PRRC2A: variants seen among roughly 807,000 people sequenced by gnomAD.
The protein encoded by PRRC2A is protein PRRC2A.
In PRRC2A, 59 loss-of-function variants were observed where a neutral mutation model predicts 224.6. That is an observed-to-expected ratio of 0.26 (90% CI 0.21 to 0.33). PRRC2A has a LOEUF of 0.33. Ranked by LOEUF, PRRC2A falls within the 10% of genes least tolerant of loss-of-function variation. The pLI is 1.00. For missense variants in PRRC2A, 3,095 were observed against 2,880.7 expected (o/e 1.07, Z -1.70); for synonymous variants, 1,194 against 1,109.5 (o/e 1.08, Z -1.51).
chr6:31,629,882 C>T (rs1403658015), intron 14 of PRRC2A, 37 bp downstream of exon 14: 6 of 1,608,974 alleles, frequency 3.7e-6, no homozygotes, highest in Admixed American at 1.7e-5. Context: ...ACAGGAAAGT[C>T]CCCTCAGTCT....
rs750642633 is a variant in PRRC2A at position 31,632,738 on chromosome 6, GGGAGGT to G, written c.4076_4081del (p.Gly1359_Gly1360del). 14 of 1,613,000 alleles carry G rather than the reference GGGAGGT, an allele frequency of 8.7e-6. No homozygotes were observed. In the Admixed American group the frequency reaches 2.3e-4, roughly 27 times the overall value. On this transcript the variant is annotated inframe_deletion, in exon 16 of 31. Coordinates refer to ENST00000376033, the MANE Select transcript of PRRC2A (RefSeq NM_004638.4). ...CACCCAAGGCTGTGGGAACTCCTGGGGGAGGTGGAGGTGGAGCCGTACCAGGTATTT... is the reference window on the plus strand; with the variant it reads ...CACCCAAGGCTGTGGGAACTCCTGGGGGAGGTGGAGCCGTACCAGGTATTT...
rs1226208579 is a variant in PRRC2A, at chr6:31,635,467, T to C, written c.5373+2T>C. ...GAGCTAACAGCATCAGTCACTGAGG[T>C]AAGTGGGAGTAAGAGTTTGGTGGAA... is the stretch of plus-strand genomic sequence containing the variant. On this transcript the variant is annotated splice_donor_variant, in intron 23 of 30. Transcript: ENST00000376033. LOFTEE classifies it high-confidence loss of function. 1.2e-5 allele frequency: 20 copies of C among 1,613,870 alleles called. No homozygotes were observed. Among genetic ancestry groups the C allele is most frequent in the Non-Finnish European group, 1.6e-5 (19 of 1,179,888 alleles).
chr6:31,627,157 CGGGGCCCCGCCGGGAACT>C lies in PRRC2A; in HGVS notation c.1258_1275del (p.Ala420_Pro425del). On this transcript the variant is annotated inframe_deletion, in exon 11 of 31. Transcript: ENST00000376033. The surrounding 1 kb of genome is among the most constrained non-coding windows in gnomAD (Gnocchi z 5.6). ...AAAGCCTCCCCTACCCCCACCTCAC[CGGGGCCCCGCCGGGAACT>C]GGGGCCCCCCTGGGGACTACCCAGT... 3 of 1,613,266 alleles carry C rather than the reference CGGGGCCCCGCCGGGAACT, an allele frequency of 1.9e-6. No homozygotes were observed. Among genetic ancestry groups the C allele is most frequent in the Non-Finnish European group, 1.7e-6 (2 of 1,179,782 alleles).
In PRRC2A at chr6:31,624,456, C is replaced by G. The variant is rs1268021388; in HGVS notation, c.397C>G (p.Pro133Ala). The change falls in exon 5 of 31, where the codon CCT becomes GCT. Residue 133 changes from proline (P) to alanine (A), a missense_variant. Transcript: ENST00000376033. ...TTTCTGAACACTTCCCCAGAACACT[C>G]CTTTGGTTCCAAGCGGGGTAAAGTC... The part of the protein sequence containing the change: ...KRPPAAPENT[P>A]LVPSGVKSWA... 6.2e-7 allele frequency: 1 copy of G among 1,613,476 alleles called. No homozygotes were observed. Among genetic ancestry groups the G allele is most frequent in the East Asian group, 2.2e-5 (1 of 44,900 alleles).
chr6:31,624,164 G>T, intron 3 of PRRC2A, 97 bp from the exon 4 acceptor site: 1 of 1,255,214 alleles, frequency 8.0e-7, no homozygotes, highest in Non-Finnish European at 1.1e-6. Context: ...TTTGTAAATG[G>T]TAGCAATGGG....
chr6:31,625,282 C>T lies in PRRC2A; in HGVS notation c.575C>T (p.Ser192Leu), dbSNP rs149286621. The change falls in exon 6 of 31, where the codon TCG becomes TTG. Residue 192 changes from serine (S) to leucine (L), a missense_variant. Ser to Leu is a moderately radical substitution (Grantham distance 145). Transcript: ENST00000376033. The surrounding 1 kb of genome is among the most constrained non-coding windows in gnomAD (Gnocchi z 4.1). Reference sequence around the variant, plus strand: ...AAGGAAAGGGAGTCTGCCGAACAGTCGTCTGGGCCCGGACCAAGCCTCCGC... The same window carrying T: ...AAGGAAAGGGAGTCTGCCGAACAGTTGTCTGGGCCCGGACCAAGCCTCCGC... ...AAKERESAEQ[S>L]SGPGPSLRPQ... is the part of the protein sequence containing the mutation. The T allele has an allele frequency of 1.3e-5, 21 of 1,613,324 alleles. No individual in the cohort carries two copies. Among genetic ancestry groups the T allele is most frequent in the Middle Eastern group, 1.6e-4 (1 of 6,084 alleles).
Position 31,632,483 on chromosome 6 carries a change from G to T in PRRC2A, c.3810G>T (p.Gly1270=), listed in dbSNP as rs755229063. The T allele has an allele frequency of 1.9e-6, 3 of 1,607,374 alleles. No individual in the cohort carries two copies. The highest frequency in any genetic ancestry group is 2.6e-6 in the Non-Finnish European group (3 of 1,176,136). ...LKQERENAAR[G]SEGKPSLTLP... The stretch of plus-strand genomic sequence containing the variant: ...AGGAACGGGAGAATGCCGCAAGGGG[G>T]TCTGAGGGCAAGCCCTCCCTAACCC... Residue 1270 remains glycine (G), a synonymous_variant, in exon 16 of 31, where the codon GGG becomes GGT. Transcript: ENST00000376033.
At position 31,637,243 on chromosome 6, in the gene PRRC2A, T is replaced by C. The variant is rs769190800; in HGVS notation, c.6252T>C (p.Ser2084=). The change falls in exon 30 of 31, where the codon TCT becomes TCC. Residue 2084 remains serine (S), a synonymous_variant. Coordinates refer to ENST00000376033, the MANE Select transcript of PRRC2A (RefSeq NM_004638.4). Reference sequence around the variant, plus strand: ...GCCCTTCTTCCCTTAGGTCCTTCTCTGGCCTCAATTCCCGTCTCAAGGCCA... The same window carrying C: ...GCCCTTCTTCCCTTAGGTCCTTCTCCGGCCTCAATTCCCGTCTCAAGGCCA... ...SRTPPTGRSF[S]GLNSRLKATP... The C allele has an allele frequency of 8.1e-6, 13 of 1,611,438 alleles. No individual in the cohort carries two copies. The highest frequency in any genetic ancestry group is 1.1e-5 in the Non-Finnish European group (13 of 1,178,654).
intron 16 of PRRC2A, 121 bp downstream of exon 16, chr6:31,633,113 T>A: frequency 7.6e-7 from 1 of 1,324,280 alleles, no homozygotes. Flanking sequence ...GGCTCTAGAA[T>A]GTCAGTAGGA....
chr6:31,637,768 A>C lies in PRRC2A; in HGVS notation c.*182A>C. On this transcript the variant is annotated 3_prime_UTR_variant, in exon 31 of 31. Transcript: ENST00000376033. ...AGAGTAATAAAAGGATTTAAAAAAAAAAACTTCTACAATGATTTGGGGGAT... is the reference window on the plus strand; with the variant it reads ...AGAGTAATAAAAGGATTTAAAAAAACAAACTTCTACAATGATTTGGGGGAT... The C allele has an allele frequency of 2.3e-6, 1 of 435,372 alleles. No individual in the cohort carries two copies. The allele number at this position is 435,372 out of a possible 1,614,324, so 27.0% of individuals were successfully genotyped here.
intron 9 of PRRC2A, 89 bp from the exon 10 acceptor site, chr6:31,626,683 G>T: frequency 8.8e-7 from 1 of 1,142,618 alleles, no homozygotes; most frequent in Non-Finnish European, 1.3e-6. Context: ...TATTGGCATT[G>T]GTAGTCCATC....
rs1299989589 is a variant in PRRC2A at position 31,625,927 on chromosome 6, G to T, written c.839+56G>T. ...GGGGCAGGGGAAGCTTATTGGGGGA[G>T]GAGATGGTTTTCTAGCCAGGAGGCT... On this transcript the variant is annotated intron_variant, in intron 8 of 30. Coordinates refer to ENST00000376033, the MANE Select transcript of PRRC2A (RefSeq NM_004638.4). This position sits in a 1 kb window ranked among gnomAD's most constrained non-coding sequence, Gnocchi z 4.1. 5 of 1,582,428 alleles carry T rather than the reference G, an allele frequency of 3.2e-6. No individual in the cohort carries two copies. The highest frequency in any genetic ancestry group is 4.3e-6 in the Non-Finnish European group (5 of 1,155,928).
chr6:31,634,334 G>A lies in PRRC2A; in HGVS notation c.4818G>A (p.Leu1606=), dbSNP rs1347931673. The A allele has an allele frequency of 6.2e-7, 1 of 1,612,812 alleles. No individual in the cohort carries two copies. Among genetic ancestry groups the A allele is most frequent in the African/African-American group, 1.3e-5 (1 of 74,890 alleles). The change falls in exon 19 of 31, where the codon CTG becomes CTA. Residue 1606 remains leucine (L), a synonymous_variant. Coordinates refer to ENST00000376033, the MANE Select transcript of PRRC2A (RefSeq NM_004638.4). ...AESRDTGTEA[L]TPHIWNRLHT... is the part of the protein sequence containing the mutation. ...CCAGAGATACAGGCACAGAGGCCCT[G>A]ACCCCTCACATCTGGAACCGTTTAC... is the stretch of plus-strand genomic sequence containing the variant.
At chr6:31,623,632 G>A (rs1335398644) in intron 2 of PRRC2A, 100 bp from the exon 3 acceptor site, 3 of 1,307,246 alleles carry the variant, frequency 2.3e-6, no homozygotes, top group South Asian at 1.4e-5. Context: ...GAGGAAGTAG[G>A]TAATAAAATA....
intron 24 of PRRC2A, 39 bp from the exon 25 acceptor site, chr6:31,635,928 A>G (rs374851606): frequency 6.5e-7 from 1 of 1,534,416 alleles, no homozygotes; most frequent in Non-Finnish European, 8.9e-7. Context: ...TCTTGACCAC[A>G]GATACTAAAG....
At position 31,625,925 on chromosome 6, in the gene PRRC2A, G is replaced by C; in HGVS notation, c.839+54G>C. On this transcript the variant is annotated intron_variant, in intron 8 of 30. Transcript: ENST00000376033. This position sits in a 1 kb window ranked among gnomAD's most constrained non-coding sequence, Gnocchi z 4.1. ...TGGGGGCAGGGGAAGCTTATTGGGG[G>C]AGGAGATGGTTTTCTAGCCAGGAGG... The C allele has an allele frequency of 6.3e-7, 1 of 1,581,544 alleles. No homozygotes were observed. The highest frequency in any genetic ancestry group is 8.7e-7 in the Non-Finnish European group (1 of 1,154,944).
intron 1 of PRRC2A, 142 bp from the exon 2 acceptor site, chr6:31,622,548 T>G: frequency 2.2e-6 from 1 of 457,094 alleles, no homozygotes; most frequent in South Asian, 4.4e-5. Flanking sequence ...ATTTGAGCTA[T>G]GAGGGAGCTA....
At position 31,631,354 on chromosome 6, in the gene PRRC2A, C is replaced by T. The variant is rs768227456; in HGVS notation, c.2681C>T (p.Thr894Met). 59 of 1,601,686 alleles carry T rather than the reference C, an allele frequency of 3.7e-5. No homozygotes were observed. The highest frequency in any genetic ancestry group is 1.0e-4 in the South Asian group (9 of 89,844). The change falls in exon 16 of 31, where the codon ACG becomes ATG. Residue 894 changes from threonine to methionine, a missense_variant. Thr to Met is a moderately conservative substitution (Grantham distance 81, BLOSUM62 -1). Transcript: ENST00000376033. The surrounding 1 kb of genome is among the most constrained non-coding windows in gnomAD (Gnocchi z 4.5). ...EPPKEETAQL[T>M]GPEAGRKPAR... ...CCTAAGGAGGAGACTGCACAGCTGACGGGGCCAGAAGCAGGCCGAAAGCCT... is the reference window on the plus strand; with the variant it reads ...CCTAAGGAGGAGACTGCACAGCTGATGGGGCCAGAAGCAGGCCGAAAGCCT...
At chr6:31,629,436 C>A in intron 13 of PRRC2A, 102 bp downstream of exon 13, 1 of 1,466,192 alleles carries the variant, frequency 6.8e-7, no homozygotes, top group Admixed American at 1.9e-5. Flanking sequence ...CTTCTTTGTC[C>A]AGTTGTCTCC....
Sources: gnomAD v4.1 joint callset for allele counts on GRCh38, gnomAD v4.1.1 for gene constraint, Gnocchi (gnomAD v3.1) non-coding constraint, MANE v1.5 for transcripts, NCBI Gene and HGNC (gene_info 2026-07-23, HGNC 2026-07-21) for gene names.